CSMD1: variants seen among roughly 807,000 people sequenced by gnomAD.
CSMD1 encodes CUB and Sushi multiple domains 1, also known as CUB and sushi domain-containing protein 1.
Under a neutral mutation model 417.5 loss-of-function variants are expected in CSMD1, and 213 were observed. That is an observed-to-expected ratio of 0.51 (90% confidence interval 0.46 to 0.57). The LOEUF is 0.57. Ranked by LOEUF, CSMD1 falls within the 20% of genes least tolerant of loss-of-function variation. CSMD1 has a pLI of 0.00. For missense variants in CSMD1, 6,923 were observed against 4,529.7 expected, an observed-to-expected ratio of 1.53 and a Z score of -15.17; for synonymous variants, 2,862 against 1,736.8, an observed-to-expected ratio of 1.65 and a Z score of -16.11.
intron 1 of CSMD1, among the ~76,000 whole-genome samples, chr8:4,850,956 T>C (rs1407273783): frequency 6.6e-6 from 1 of 151,644 alleles, no homozygotes; most frequent in Non-Finnish European, 1.5e-5. Context: ...TTTCCTTTTT[T>C]TAATATATAC....
At chr8:2,986,159 C>T (rs1159386571) in intron 54 of CSMD1, among the ~76,000 whole-genome samples, 1 of 152,128 alleles carries the variant, frequency 6.6e-6, no homozygotes, top group African/African-American at 2.4e-5. Context: ...TTGTAATTGA[C>T]AATTGTAATT....
intron 1 of CSMD1, among the ~76,000 whole-genome samples, chr8:4,643,261 CA>C (rs546876007): frequency 1.2e-3 from 182 of 152,330 alleles, no homozygotes; most frequent in African/African-American, 4.1e-3. Context: ...TTATTACACT[CA>C]GGGGCAGTGT....
chr8:3,672,363 G>C (rs920157412), intron 7 of CSMD1, among the ~76,000 whole-genome samples: 4 of 151,322 alleles, frequency 2.6e-5, no homozygotes, highest in Non-Finnish European at 5.9e-5. Context: ...GTGTGTGTCG[G>C]CATTTAGAAC....
chr8:3,535,701 A>G (rs909121972), intron 10 of CSMD1, among the ~76,000 whole-genome samples: 2 of 152,174 alleles, frequency 1.3e-5, no homozygotes, highest in Admixed American at 6.5e-5. Flanking sequence ...TGTACCCCTC[A>G]TTGCTTTTTT....
intron 39 of CSMD1, among the ~76,000 whole-genome samples, chr8:3,157,539 AG>A (rs1819609693): frequency 6.6e-6 from 1 of 152,188 alleles, no homozygotes; most frequent in Non-Finnish European, 1.5e-5. Context: ...CTGAGGCTAA[AG>A]GTCTATACAG....
intron 40 of CSMD1, among the ~76,000 whole-genome samples, chr8:3,146,630 G>A (rs1346130981): frequency 6.6e-6 from 1 of 152,092 alleles, no homozygotes; most frequent in Non-Finnish European, 1.5e-5. Context: ...CAGTTCTTTT[G>A]GCTAGAGTTC....
intron 2 of CSMD1, among the ~76,000 whole-genome samples, chr8:4,516,101 G>A (rs1438384188): frequency 6.6e-6 from 1 of 152,080 alleles, no homozygotes; most frequent in Non-Finnish European, 1.5e-5. Context: ...GACTGTACCG[G>A]GGGCTGAGTT....
chr8:4,628,857 G>A (rs1288388720), intron 2 of CSMD1, among the ~76,000 whole-genome samples: 2 of 152,040 alleles, frequency 1.3e-5, no homozygotes, highest in African/African-American at 2.4e-5. Context: ...CTAGAAATTC[G>A]TTGATGGTGT....
At chr8:4,456,836 G>A (rs938863360) in intron 2 of CSMD1, among the ~76,000 whole-genome samples, 1 of 152,020 alleles carries the variant, frequency 6.6e-6, no homozygotes, top group Admixed American at 6.6e-5. Flanking sequence ...GTACCTGCAG[G>A]ACCCATCCTG....
intron 1 of CSMD1, among the ~76,000 whole-genome samples, chr8:4,896,911 A>T (rs1804529958): frequency 6.6e-6 from 1 of 152,040 alleles, no homozygotes; most frequent in Non-Finnish European, 1.5e-5. Context: ...GGGCTCCTTT[A>T]TTCTTCCTAC....
chr8:3,985,716 G>A (rs1280095924), intron 5 of CSMD1, among the ~76,000 whole-genome samples: 10 of 151,200 alleles, frequency 6.6e-5, no homozygotes, highest in African/African-American at 1.7e-4. Context: ...CTTGATTCAA[G>A]AAGTTAGATT....
intron 2 of CSMD1, among the ~76,000 whole-genome samples, chr8:4,468,607 A>G (rs2130023558): frequency 6.6e-6 from 1 of 152,302 alleles, no homozygotes; most frequent in African/African-American, 2.4e-5. Flanking sequence ...ATTTTTCAAG[A>G]TTCAATTTGA....
intron 8 of CSMD1, among the ~76,000 whole-genome samples, chr8:3,608,619 C>A (rs565120813): frequency 6.6e-5 from 10 of 151,894 alleles, no homozygotes; most frequent in Non-Finnish European, 1.5e-4. Flanking sequence ...AAAAAATTAG[C>A]CGGGCATGGT....
At chr8:4,604,746 T>C (rs748688754) in intron 2 of CSMD1, among the ~76,000 whole-genome samples, 2 of 152,172 alleles carry the variant, frequency 1.3e-5, no homozygotes, top group African/African-American at 4.8e-5. Context: ...GCACAAAATA[T>C]TGTTTGCAGT....
At chr8:4,094,753 G>C (rs979722014) in intron 3 of CSMD1, among the ~76,000 whole-genome samples, 4 of 152,172 alleles carry the variant, frequency 2.6e-5, no homozygotes, top group African/African-American at 9.7e-5. Flanking sequence ...ACAAATGATG[G>C]AGGTGAGATG....
chr8:3,470,998 C>G (rs1053542553), intron 11 of CSMD1, among the ~76,000 whole-genome samples: 1 of 152,148 alleles, frequency 6.6e-6, no homozygotes, highest in Non-Finnish European at 1.5e-5. Context: ...GTGCAGGTTT[C>G]TGTGTGAGCA....
At chr8:3,697,626 T>C (rs1800626981) in intron 7 of CSMD1, among the ~76,000 whole-genome samples, 1 of 152,204 alleles carries the variant, frequency 6.6e-6, no homozygotes, top group South Asian at 2.1e-4. Context: ...CTGCTGGAAT[T>C]GTTTTGACTC....
intron 3 of CSMD1, among the ~76,000 whole-genome samples, chr8:4,241,368 G>C (rs563902620): frequency 1.1e-4 from 16 of 152,208 alleles, no homozygotes; most frequent in African/African-American, 2.9e-4. Context: ...CGAGTAGCAG[G>C]TCCTCAGGGA....
intron 2 of CSMD1, among the ~76,000 whole-genome samples, chr8:4,442,537 T>C (rs1251391926): frequency 1.3e-5 from 2 of 152,180 alleles, no homozygotes; most frequent in Non-Finnish European, 2.9e-5. Context: ...CTGAAGAACC[T>C]CTCAAACCAT....
Sources: gnomAD v4.1 joint callset for allele counts (sites outside exome capture counted in the v4.1 genomes callset) on GRCh38, gnomAD v4.1.1 for gene constraint, MANE v1.5 for transcripts, NCBI Gene and HGNC (gene_info 2026-07-23, HGNC 2026-07-21) for gene names.